Variants in FAM234B observed in about 807,000 individuals in gnomAD.
FAM234B encodes protein FAM234B.
In FAM234B, 33 loss-of-function variants were observed where a neutral mutation model predicts 69.3. The ratio of observed to expected loss-of-function variants is 0.48; its 90% CI spans 0.36 to 0.64. The LOEUF (loss-of-function observed/expected upper bound fraction) is 0.64, where lower values mean the gene tolerates loss of function less well. FAM234B is among the 30% of genes least tolerant of loss of function. FAM234B has a pLI of 0.00. For synonymous variants in FAM234B, 306 were observed against 306.9 expected, an observed-to-expected ratio of 1.00 and a Z score of 0.03; for missense variants, 697 against 769.7, an observed-to-expected ratio of 0.91 and a Z score of 1.12.
At chr12:13,073,490 T>C (rs1865129467) in intron 10 of FAM234B, among the ~76,000 whole-genome samples, 1 of 152,206 alleles carries the variant, frequency 6.6e-6, no homozygotes, top group South Asian at 2.1e-4. Flanking sequence ...TTTCCACTTT[T>C]TCTTGGACTG....
intron 1 of FAM234B, among the ~76,000 whole-genome samples, chr12:13,053,671 G>A (rs911604229): frequency 6.6e-6 from 1 of 152,212 alleles, no homozygotes; most frequent in Admixed American, 6.5e-5. Context: ...ATGAGGGTCT[G>A]TGTCCTGCTG....
In FAM234B at chr12:13,074,163, G is replaced by A. The variant is rs548272644; in HGVS notation, c.1525-1863G>A. On this transcript the variant is annotated intron_variant, in intron 10 of 12. Coordinates refer to ENST00000197268, the MANE Select transcript of FAM234B (RefSeq NM_020853.2). ...TAACAAGTTAGTATGAGTTTCCTCT[G>A]GTGCAAAAAAAATTTTGAAGTCCTT... 1.4e-4 allele frequency among the ~76,000 whole-genome samples: 22 copies of A among 152,010 alleles called. No homozygotes were observed. The East Asian group carries it at 4.1e-3, about 28-fold the overall frequency.
At chr12:13,055,157 C>G (rs748558780) in intron 1 of FAM234B, among the ~76,000 whole-genome samples, 8 of 152,196 alleles carry the variant, frequency 5.3e-5, no homozygotes, top group Non-Finnish European at 1.2e-4. Flanking sequence ...TGTCACAGAT[C>G]TAAGAAGATC....
chr12:13,062,567 C>T (rs1864995096), intron 4 of FAM234B: 2 of 278,750 alleles, frequency 7.2e-6, no homozygotes, highest in South Asian at 5.9e-5. Flanking sequence ...GCAAGTGAGC[C>T]CTTCTTTGTT....
At chr12:13,058,146 C>T (rs147103354) in intron 2 of FAM234B, among the ~76,000 whole-genome samples, 97 of 152,242 alleles carry the variant, frequency 6.4e-4, no homozygotes, top group African/African-American at 2.3e-3. Flanking sequence ...TTTTCCAGCA[C>T]CCTATCTGGG....
rs535212393 is a variant in FAM234B at position 13,052,197 on chromosome 12, C to T, written c.38-3354C>T. Among the ~76,000 whole-genome samples, 20 of 152,234 alleles carry T rather than the reference C, an allele frequency of 1.3e-4. No homozygotes were observed. The South Asian group carries it at 1.5e-3, about 11-fold the overall frequency. The stretch of plus-strand genomic sequence containing the variant: ...ATTGGCAACTTCCCAGAAAAAAATT[C>T]TTGAATCAGTGTAAAGAATTGGTTT... On this transcript the variant is annotated intron_variant, in intron 1 of 12. Coordinates refer to ENST00000197268, the MANE Select transcript of FAM234B (RefSeq NM_020853.2).
chr12:13,058,230 T>A (rs1192190792), intron 2 of FAM234B, among the ~76,000 whole-genome samples: 2 of 152,182 alleles, frequency 1.3e-5, no homozygotes, highest in African/African-American at 4.8e-5. Context: ...CCCTAGCTGG[T>A]CTGCTTCCTT....
Position 13,058,492 on chromosome 12 carries a change from G to A in FAM234B, c.475G>A (p.Asp159Asn). ...ATTGGAATTGGCTGATGTGAATGGA[G>A]ATGGCCTGCGTGATGTGCTTCTCTC... Reference protein sequence around the residue: ...SPLELADVNGDGLRDVLLSFV... With the variant: ...SPLELADVNGNGLRDVLLSFV... The change falls in exon 3 of 13, where the codon GAT becomes AAT. Residue 159 changes from aspartate to asparagine, a missense_variant. By Grantham distance (23) the Asp-to-Asn change is conservative. Transcript: ENST00000197268. The A allele has an allele frequency of 6.2e-7, 1 of 1,614,094 alleles. No individual in the cohort carries two copies. The highest frequency in any genetic ancestry group is 8.5e-7 in the Non-Finnish European group (1 of 1,179,982).
At chr12:13,077,541 G>A (rs530996821) in intron 11 of FAM234B, among the ~76,000 whole-genome samples, 24 of 151,330 alleles carry the variant, frequency 1.6e-4, no homozygotes, top group African/African-American at 3.4e-4. Context: ...TTGTCCTTGC[G>A]ATAGTTTACT....
At chr12:13,078,686 C>T (rs1208490070) in intron 11 of FAM234B, among the ~76,000 whole-genome samples, 1 of 152,144 alleles carries the variant, frequency 6.6e-6, no homozygotes, top group African/African-American at 2.4e-5. Context: ...GCAACTTCAG[C>T]AAAGTCTCAG....
At chr12:13,053,385 C>T (rs1591596029) in intron 1 of FAM234B, among the ~76,000 whole-genome samples, 1 of 151,978 alleles carries the variant, frequency 6.6e-6, no homozygotes, top group East Asian at 1.9e-4. Context: ...AACCAGCCCC[C>T]AATATTTCAA....
intron 5 of FAM234B, among the ~76,000 whole-genome samples, chr12:13,065,888 G>A (rs1477864709): frequency 6.6e-6 from 1 of 152,150 alleles, no homozygotes; most frequent in Non-Finnish European, 1.5e-5. Context: ...TTTGTCAAAA[G>A]CTTTACTGAA....
intron 7 of FAM234B, among the ~76,000 whole-genome samples, 173 bp from the exon 8 acceptor site, chr12:13,068,131 A>G (rs1591600430): frequency 6.6e-6 from 1 of 152,248 alleles, no homozygotes; most frequent in African/African-American, 2.4e-5. Context: ...TTCTAAGGTC[A>G]AGAAAATGAG....
At chr12:13,045,056 A>G (rs1864790954) in intron 1 of FAM234B, among the ~76,000 whole-genome samples, 3 of 152,212 alleles carry the variant, frequency 2.0e-5, no homozygotes. Context: ...TGAGCTTTTG[A>G]TTCCACTTGG....
rs1250957403 is a variant in FAM234B at position 13,067,127 on chromosome 12, C to T, written c.1001-28C>T. ...GGGACAGTTCTGTTAAATTCAACTT[C>T]TCAGTGTTGGTTCTTCTGTGGTGCT... On this transcript the variant is annotated intron_variant, in intron 6 of 12. Coordinates refer to ENST00000197268, the MANE Select transcript of FAM234B (RefSeq NM_020853.2). This position sits in a 1 kb window ranked among gnomAD's most constrained non-coding sequence, Gnocchi z 4.7. 1.9e-6 allele frequency: 3 copies of T among 1,613,558 alleles called. No homozygotes were observed. Among genetic ancestry groups the T allele is most frequent in the South Asian group, 1.1e-5 (1 of 91,038 alleles).
chr12:13,053,014 T>C (rs1208703526), intron 1 of FAM234B, among the ~76,000 whole-genome samples: 1 of 152,174 alleles, frequency 6.6e-6, no homozygotes, highest in African/African-American at 2.4e-5. Flanking sequence ...GGAGTAGAAA[T>C]ACAAATTGTA....
chr12:13,044,409 G>T lies in FAM234B; in HGVS notation c.6G>T (p.Ala2=). 1.9e-6 allele frequency: 3 copies of T among 1,551,896 alleles called. No homozygotes were observed. Among genetic ancestry groups the T allele is most frequent in the African/African-American group, 1.4e-5 (1 of 73,220 alleles). The change falls in exon 1 of 13, where the codon GCG becomes GCT. Residue 2 remains alanine, a synonymous_variant. Coordinates refer to ENST00000197268, the MANE Select transcript of FAM234B (RefSeq NM_020853.2). The surrounding 1 kb of genome is among the most constrained non-coding windows in gnomAD (Gnocchi z 5.6). ...CGCGCACCGGGGCCTCAGCCATGGC[G>T]ACCGTGCTGTCCAGGGCGCTCAAGC... M[A]TVLSRALKLP... is the part of the protein sequence containing the mutation.
At chr12:13,056,007 T>A in intron 2 of FAM234B, 61 bp downstream of exon 2, 1 of 1,445,958 alleles carries the variant, frequency 6.9e-7, no homozygotes, top group Non-Finnish European at 9.1e-7. Context: ...TGATTACATT[T>A]AAATTTTCCT....
intron 1 of FAM234B, among the ~76,000 whole-genome samples, chr12:13,051,760 AG>A (rs1179682814): frequency 5.3e-5 from 8 of 152,156 alleles, no homozygotes; most frequent in Non-Finnish European, 8.8e-5. Flanking sequence ...GGGTTGAAAG[AG>A]GTGGAGGTGT....
Sources: gnomAD v4.1 joint callset for allele counts (sites outside exome capture counted in the v4.1 genomes callset) on GRCh38, gnomAD v4.1.1 for gene constraint, Gnocchi (gnomAD v3.1) non-coding constraint, MANE v1.5 for transcripts, NCBI Gene and HGNC (gene_info 2026-07-23, HGNC 2026-07-21) for gene names.